Variants in LRRC4C observed in about 807,000 individuals in gnomAD.
LRRC4C encodes the protein leucine rich repeat containing 4C, also known as leucine-rich repeat-containing protein 4C.
A neutral mutation model predicts 33.6 loss-of-function variants in LRRC4C; 5 were observed. The observed-to-expected ratio is 0.15, with a 90% CI of 0.08 to 0.31. The LOEUF (loss-of-function observed/expected upper bound fraction) is 0.31, where lower values mean the gene tolerates loss of function less well. Among genes scored for constraint, LRRC4C ranks in the 10% least tolerant of loss-of-function variants. The probability of loss-of-function intolerance (pLI) is 1.00; values close to 1 mark genes in which losing one functional copy is unlikely to be tolerated. For synonymous variants in LRRC4C, 329 were observed against 302.0 expected, an observed-to-expected ratio of 1.09 and a Z score of -0.93; for missense variants, 560 against 796.7, an observed-to-expected ratio of 0.70 and a Z score of 3.58.
intron 2 of LRRC4C, among the ~76,000 whole-genome samples, chr11:40,688,891 C>T (rs1411727934): frequency 6.6e-6 from 1 of 151,980 alleles, no homozygotes; most frequent in Non-Finnish European, 1.5e-5. Context: ...ATTTTCAGGG[C>T]TGGGGCATGC....
chr11:40,316,671 A>G lies in LRRC4C; in HGVS notation c.-176+2957T>C, dbSNP rs1352942647. On this transcript the variant is annotated intron_variant, in intron 4 of 6. Transcript: ENST00000528697. ...GCGTTCTTGGAAAATTTCTCTGAAT[A>G]TCCAAACATTCTATAGAACTTGTTA... Among the ~76,000 whole-genome samples, 4 of 151,996 alleles carry G rather than the reference A, an allele frequency of 2.6e-5. No homozygotes were observed. The South Asian group carries it at 8.3e-4, about 31-fold the overall frequency.
intron 3 of LRRC4C, among the ~76,000 whole-genome samples, chr11:40,643,585 C>G (rs1190788338): frequency 6.6e-6 from 1 of 152,156 alleles, no homozygotes; most frequent in Non-Finnish European, 1.5e-5. Flanking sequence ...TCAGGACTTT[C>G]ACCACCACCC....
intron 2 of LRRC4C, among the ~76,000 whole-genome samples, chr11:40,875,287 G>C (rs6485234): frequency 0.95 from 145,359 of 152,248 alleles, 69,740 homozygotes; most frequent in Middle Eastern, 1. Context: ...CAAATGAGGT[G>C]ACATTGTCGA....
At chr11:41,256,321 A>G (rs1282694458) in intron 1 of LRRC4C, among the ~76,000 whole-genome samples, 1 of 152,006 alleles carries the variant, frequency 6.6e-6, no homozygotes, top group Non-Finnish European at 1.5e-5. Context: ...CTCTACAGGA[A>G]GTAACACACT....
At chr11:40,851,992 TA>T (rs1193907704) in intron 2 of LRRC4C, among the ~76,000 whole-genome samples, 4 of 152,136 alleles carry the variant, frequency 2.6e-5, no homozygotes, top group Non-Finnish European at 5.9e-5. Context: ...TCGTACTTTT[TA>T]AAAAAATTTT....
intron 5 of LRRC4C, among the ~76,000 whole-genome samples, chr11:40,231,302 C>T (rs567393815): frequency 1.4e-4 from 22 of 152,260 alleles, no homozygotes; most frequent in East Asian, 1.3e-3. Context: ...AATGCAAACT[C>T]TAACAAATTT....
At chr11:40,133,684 C>T (rs1196409008) in intron 6 of LRRC4C, among the ~76,000 whole-genome samples, 5 of 152,148 alleles carry the variant, frequency 3.3e-5, no homozygotes. Context: ...CCAACATGCT[C>T]CACTGAGGGA....
chr11:40,333,544 C>A (rs1241128828), intron 3 of LRRC4C, among the ~76,000 whole-genome samples: 1 of 151,578 alleles, frequency 6.6e-6, no homozygotes, highest in East Asian at 1.9e-4. Context: ...TGGTGAAATC[C>A]CGTCTCTACT....
At chr11:40,271,703 G>A (rs1276758577) in intron 4 of LRRC4C, among the ~76,000 whole-genome samples, 2 of 152,060 alleles carry the variant, frequency 1.3e-5, no homozygotes, top group Non-Finnish European at 2.9e-5. Flanking sequence ...CATCAGCTCC[G>A]AATGTAGACC....
At chr11:40,791,160 A>G (rs964045037) in intron 2 of LRRC4C, among the ~76,000 whole-genome samples, 17 of 152,164 alleles carry the variant, frequency 1.1e-4, no homozygotes, top group African/African-American at 3.9e-4. Flanking sequence ...TTCCTTGCTC[A>G]TGAATGTCCT....
intron 3 of LRRC4C, among the ~76,000 whole-genome samples, chr11:40,490,353 T>C (rs1954084614): frequency 6.6e-6 from 1 of 152,140 alleles, no homozygotes; most frequent in Non-Finnish European, 1.5e-5. Context: ...TAGTGGACAC[T>C]GGACATGACA....
chr11:40,187,578 G>A (rs538685346), intron 5 of LRRC4C, among the ~76,000 whole-genome samples: 4 of 152,142 alleles, frequency 2.6e-5, no homozygotes, highest in Non-Finnish European at 5.9e-5. Flanking sequence ...GCACCACTGA[G>A]AAAGACCCTG....
chr11:41,416,352 T>C (rs1470643159), intron 1 of LRRC4C, among the ~76,000 whole-genome samples: 2 of 151,942 alleles, frequency 1.3e-5, no homozygotes, highest in African/African-American at 4.8e-5. Flanking sequence ...AACCATATTA[T>C]CAATCTTAAT....
At chr11:40,304,689 C>T (rs1366104671) in intron 4 of LRRC4C, among the ~76,000 whole-genome samples, 4 of 151,760 alleles carry the variant, frequency 2.6e-5, no homozygotes, top group Non-Finnish European at 5.9e-5. Flanking sequence ...TTATAAAATC[C>T]TCTTTTACCT....
At chr11:40,906,434 T>A (rs1306497303) in intron 2 of LRRC4C, among the ~76,000 whole-genome samples, 1 of 151,926 alleles carries the variant, frequency 6.6e-6, no homozygotes, top group East Asian at 1.9e-4. Flanking sequence ...TTGCTTGAAT[T>A]TGGGAGGCGG....
chr11:40,254,468 A>T (rs1867044067), intron 4 of LRRC4C, among the ~76,000 whole-genome samples: 2 of 152,196 alleles, frequency 1.3e-5, no homozygotes, highest in African/African-American at 2.4e-5. Context: ...CATATTGCCC[A>T]GTCTAATGAA....
intron 1 of LRRC4C, among the ~76,000 whole-genome samples, chr11:40,947,383 T>C (rs1016059084): frequency 2.0e-5 from 3 of 152,170 alleles, no homozygotes. Context: ...AATTTGATCC[T>C]TTCAGGTCTT....
At chr11:40,491,199 C>T (rs1342879184) in intron 3 of LRRC4C, among the ~76,000 whole-genome samples, 1 of 152,016 alleles carries the variant, frequency 6.6e-6, no homozygotes, top group Non-Finnish European at 1.5e-5. Context: ...GCATGAAAAT[C>T]GTTTGAACCC....
At chr11:40,677,029 C>T (rs948244212) in intron 2 of LRRC4C, among the ~76,000 whole-genome samples, 1 of 152,022 alleles carries the variant, frequency 6.6e-6, no homozygotes. Flanking sequence ...TCCATGACTC[C>T]CCCTGTGTTT....
Sources: allele counts gnomAD v4.1 joint callset (sites outside exome capture counted in the v4.1 genomes callset), GRCh38; gene constraint gnomAD v4.1.1; transcripts MANE v1.5; gene names NCBI Gene and HGNC (gene_info 2026-07-23, HGNC 2026-07-21).